The following HIP1 variants were observed in gnomAD, a reference collection of about 807,000 sequenced individuals.
The protein encoded by HIP1 is huntingtin interacting protein 1, also known as huntingtin-interacting protein 1.
A neutral mutation model predicts 147.6 loss-of-function variants in HIP1; 65 were observed. That is an observed-to-expected ratio of 0.44 (90% CI 0.36 to 0.54). The LOEUF (loss-of-function observed/expected upper bound fraction) is 0.54. HIP1 is among the 20% of genes least tolerant of loss of function. The probability of loss-of-function intolerance (pLI) is 0.00; values close to 1 mark genes in which losing one functional copy is unlikely to be tolerated. For synonymous variants in HIP1, 479 were observed against 504.0 expected, an observed-to-expected ratio of 0.95 and a Z score of 0.67; for missense variants, 1,061 against 1,299.6, an observed-to-expected ratio of 0.82 and a Z score of 2.82.
intron 30 of HIP1, among the ~76,000 whole-genome samples, chr7:75,538,570 CTTTTTTTTTTTTTT>C (rs67030357): frequency 4.4e-5 from 5 of 112,938 alleles, no homozygotes; most frequent in Admixed American, 1.8e-4. Context: ...CTGATCCCTT[CTTTTTTTTTTTTTT>C]TTTTTTTTGA....
chr7:75,650,833 G>A (rs1348525952), intron 1 of HIP1, among the ~76,000 whole-genome samples: 5 of 152,116 alleles, frequency 3.3e-5, no homozygotes, highest in Non-Finnish European at 7.4e-5. Flanking sequence ...TGGTGTCCCC[G>A]CCCTGGGGAG....
At chr7:75,683,048 T>A (rs1041511046) in intron 1 of HIP1, among the ~76,000 whole-genome samples, 1 of 152,034 alleles carries the variant, frequency 6.6e-6, no homozygotes, top group East Asian at 1.9e-4. Context: ...AGTGGTGCGA[T>A]CTCGGCTCAC....
At chr7:75,605,578 G>A (rs1428838385) in intron 1 of HIP1, among the ~76,000 whole-genome samples, 3 of 152,162 alleles carry the variant, frequency 2.0e-5, no homozygotes, top group African/African-American at 7.2e-5. Flanking sequence ...TGTCGCCCAG[G>A]CTGAAGTGCA....
chr7:75,557,342 ACAAACAAAC>A (rs1339381942), intron 16 of HIP1, among the ~76,000 whole-genome samples: 24 of 150,826 alleles, frequency 1.6e-4, no homozygotes, highest in African/African-American at 4.0e-4. Context: ...AACAAACAAA[ACAAACAAAC>A]AAAAAAAAAC....
intron 1 of HIP1, among the ~76,000 whole-genome samples, chr7:75,663,141 C>A (rs1053409025): frequency 6.6e-6 from 1 of 152,158 alleles, no homozygotes; most frequent in Non-Finnish European, 1.5e-5. Flanking sequence ...TCTGGTACAA[C>A]GACCAAGAAA....
chr7:75,723,104 CT>C (rs1801547413), intron 1 of HIP1, among the ~76,000 whole-genome samples: 1 of 152,084 alleles, frequency 6.6e-6, no homozygotes, highest in African/African-American at 2.4e-5. Context: ...GGCTCAGCAG[CT>C]TAAAACAACA....
At chr7:75,711,722 C>G (rs1246297231) in intron 1 of HIP1, among the ~76,000 whole-genome samples, 1 of 152,196 alleles carries the variant, frequency 6.6e-6, no homozygotes, top group Admixed American at 6.5e-5. Flanking sequence ...GAATTTCAGT[C>G]CAGACCTCTC....
intron 1 of HIP1, among the ~76,000 whole-genome samples, chr7:75,695,708 C>G (rs1800613381): frequency 6.6e-6 from 1 of 151,792 alleles, no homozygotes; most frequent in South Asian, 2.1e-4. Context: ...CCAAGTAGCT[C>G]AGATTACAGG....
chr7:75,714,408 G>A (rs1339993213), intron 1 of HIP1, among the ~76,000 whole-genome samples: 1 of 151,450 alleles, frequency 6.6e-6, no homozygotes, highest in African/African-American at 2.4e-5. Context: ...AGAGTTCCCA[G>A]ACACCCTTTG....
chr7:75,689,567 C>CAT (rs1335231040), intron 1 of HIP1, among the ~76,000 whole-genome samples: 3 of 152,068 alleles, frequency 2.0e-5, no homozygotes, highest in East Asian at 1.9e-4. Flanking sequence ...CATACATGCA[C>CAT]ATATATATAA....
At chr7:75,561,141 C>T (rs369828705) in intron 13 of HIP1, among the ~76,000 whole-genome samples, 188 bp downstream of exon 13, 77 of 152,056 alleles carry the variant, frequency 5.1e-4, no homozygotes, top group African/African-American at 1.4e-3. Context: ...TTATTGAAGA[C>T]GGGGGTTTCA....
At chr7:75,606,123 A>C (rs997026550) in intron 1 of HIP1, among the ~76,000 whole-genome samples, 2 of 152,162 alleles carry the variant, frequency 1.3e-5, no homozygotes, top group Non-Finnish European at 2.9e-5. Flanking sequence ...TGCTGGGCTT[A>C]TAGGTGTGAG....
chr7:75,630,628 T>C (rs1798180657), intron 1 of HIP1, among the ~76,000 whole-genome samples: 1 of 152,100 alleles, frequency 6.6e-6, no homozygotes, highest in South Asian at 2.1e-4. Context: ...CTTATTTTCC[T>C]CCTTCCAGGG....
At chr7:75,666,661 C>A (rs939782909) in intron 1 of HIP1, among the ~76,000 whole-genome samples, 2 of 152,114 alleles carry the variant, frequency 1.3e-5, no homozygotes, top group Non-Finnish European at 2.9e-5. Flanking sequence ...AGTCACAGGG[C>A]AAGGGAGATG....
At chr7:75,589,599 C>A (rs1242332530) in intron 4 of HIP1, among the ~76,000 whole-genome samples, 2 of 135,800 alleles carry the variant, frequency 1.5e-5, no homozygotes, top group African/African-American at 5.5e-5. Flanking sequence ...AGGAGAATCG[C>A]TTCAACCTGG....
At chr7:75,617,441 T>C (rs1797708105) in intron 1 of HIP1, among the ~76,000 whole-genome samples, 1 of 152,070 alleles carries the variant, frequency 6.6e-6, no homozygotes, top group Non-Finnish European at 1.5e-5. Flanking sequence ...GGTCTCGAAC[T>C]CCTGGCCTCA....
intron 1 of HIP1, among the ~76,000 whole-genome samples, chr7:75,714,479 G>A (rs1247823957): frequency 2.1e-5 from 3 of 144,742 alleles, no homozygotes; most frequent in Non-Finnish European, 4.5e-5. Flanking sequence ...TTGAGACAGA[G>A]TCTCTCTCTG....
At chr7:75,681,680 AT>A (rs576876583) in intron 1 of HIP1, among the ~76,000 whole-genome samples, 37 of 149,446 alleles carry the variant, frequency 2.5e-4, no homozygotes, top group African/African-American at 8.1e-4. Context: ...CTAATTTTTT[AT>A]TTTTTTTTAG....
chr7:75,580,872 A>T (rs763828569), intron 7 of HIP1, among the ~76,000 whole-genome samples: 73 of 151,988 alleles, frequency 4.8e-4, no homozygotes, highest in Non-Finnish European at 9.4e-4. Context: ...CTCCCAAGTA[A>T]CTGGGATTAC....
Sources: allele counts gnomAD v4.1 joint callset (sites outside exome capture counted in the v4.1 genomes callset), GRCh38; gene constraint gnomAD v4.1.1; transcripts MANE v1.5; gene names NCBI Gene and HGNC (gene_info 2026-07-23, HGNC 2026-07-21).